Variants in PARD3B observed in about 807,000 individuals in gnomAD.
The protein encoded by PARD3B is partitioning defective 3 homolog B.
Under a neutral mutation model 130.2 loss-of-function variants are expected in PARD3B, and 103 were observed. The observed-to-expected ratio is 0.79, with a 90% CI of 0.67 to 0.93. The LOEUF is 0.93. Ranked by LOEUF, PARD3B falls within the 40% of genes least tolerant of loss-of-function variation. PARD3B has a pLI of 0.00. For missense variants in PARD3B, 1,609 were observed against 1,499.2 expected, an observed-to-expected ratio of 1.07 and a Z score of -1.21; for synonymous variants, 583 against 553.2, an observed-to-expected ratio of 1.05 and a Z score of -0.76.
At position 205,403,495 on chromosome 2, in the gene PARD3B, G is replaced by A. The variant is rs1333388032; in HGVS notation, c.2741+2372G>A. 7.6e-4 allele frequency among the ~76,000 whole-genome samples: 115 copies of A among 151,636 alleles called. 1 individual carries two copies. The highest frequency in any genetic ancestry group is 7.4e-5 in the Non-Finnish European group (5 of 68,008). ...AGCTATCTTTAGTGCATATCCAGGA[G>A]GCAATTATCCAAAGAGGCAGGAAAA... On this transcript the variant is annotated intron_variant, in intron 19 of 22. Transcript: ENST00000406610.
chr2:205,370,080 C>T (rs1444934803), intron 18 of PARD3B, among the ~76,000 whole-genome samples: 1 of 152,094 alleles, frequency 6.6e-6, no homozygotes, highest in Non-Finnish European at 1.5e-5. Context: ...GACCTAGAGA[C>T]CCTTGCAAAC....
At position 205,245,801 on chromosome 2, in the gene PARD3B, T is replaced by C. The variant is rs2039547133; in HGVS notation, c.2164T>C (p.Ser722Pro). The change falls in exon 16 of 23, where the codon TCA becomes CCA. Residue 722 changes from serine (S) to proline (P), a missense_variant. Coordinates refer to ENST00000406610, the MANE Select transcript of PARD3B (RefSeq NM_001302769.2). ...DLVPDESKVH[S>P]LAGQKSESPS... is the part of the protein sequence containing the mutation. ...AGTGCCAGATGAAAGCAAGGTTCAC[T>C]CATTGGCTGGACAAAAATCGGGTAA... 1 of 1,602,674 alleles carries C rather than the reference T, an allele frequency of 6.2e-7. No homozygotes were observed. Among genetic ancestry groups the C allele is most frequent in the African/African-American group, 1.3e-5 (1 of 74,680 alleles).
At chr2:204,860,233 A>G (rs1409640634) in intron 2 of PARD3B, among the ~76,000 whole-genome samples, 3 of 152,200 alleles carry the variant, frequency 2.0e-5, no homozygotes, top group African/African-American at 7.2e-5. Flanking sequence ...AAATCAAAGG[A>G]AATTGTTTCA....
rs2040869066 is a variant in PARD3B at position 205,274,621 on chromosome 2, T to A, written c.2186-25909T>A. On this transcript the variant is annotated intron_variant, in intron 16 of 22. Coordinates refer to ENST00000406610, the MANE Select transcript of PARD3B (RefSeq NM_001302769.2). The surrounding 1 kb of genome is among the most constrained non-coding windows in gnomAD (Gnocchi z 4.2). ...GATTTTTTTATAAATCATTTCTACT[T>A]ACTTTCTATCTGAATATTATCTATC... Among the ~76,000 whole-genome samples the A allele has an allele frequency of 6.6e-6, 1 of 152,120 alleles. No homozygotes were observed. Among genetic ancestry groups the A allele is most frequent in the Non-Finnish European group, 1.5e-5 (1 of 68,008 alleles).
chr2:204,813,065 C>A (rs1175161255), intron 2 of PARD3B, among the ~76,000 whole-genome samples: 1 of 152,012 alleles, frequency 6.6e-6, no homozygotes, highest in Non-Finnish European at 1.5e-5. Flanking sequence ...ACTTTTATTT[C>A]TCTTTGTAAA....
chr2:205,430,340 T>G (rs2047287402), intron 19 of PARD3B, among the ~76,000 whole-genome samples: 1 of 152,200 alleles, frequency 6.6e-6, no homozygotes, highest in African/African-American at 2.4e-5. Context: ...GGAGCCACCA[T>G]TCAACCTACC....
intron 20 of PARD3B, among the ~76,000 whole-genome samples, chr2:205,442,300 T>C (rs1017206261): frequency 2.1e-5 from 3 of 143,220 alleles, no homozygotes; most frequent in East Asian, 2.0e-4. Context: ...CTTTTTTTTT[T>C]TTTTTTTTTT....
At chr2:204,924,484 C>T (rs2125759601) in intron 2 of PARD3B, among the ~76,000 whole-genome samples, 1 of 151,888 alleles carries the variant, frequency 6.6e-6, no homozygotes, top group South Asian at 2.1e-4. Flanking sequence ...ACAGCAATAC[C>T]ATGTATTAAA....
At chr2:205,248,834 C>T (rs1308661388) in intron 16 of PARD3B, among the ~76,000 whole-genome samples, 5 of 151,586 alleles carry the variant, frequency 3.3e-5, no homozygotes, top group African/African-American at 1.2e-4. Context: ...GTTTCGATCT[C>T]CTGACCTTGT....
At chr2:204,977,368 G>T (rs111660639) in intron 3 of PARD3B, among the ~76,000 whole-genome samples, 8 of 152,184 alleles carry the variant, frequency 5.3e-5, no homozygotes, top group African/African-American at 1.7e-4. Flanking sequence ...TTTTAATGTT[G>T]TTCTCCTCCC....
Position 205,301,331 on chromosome 2 carries a change from A to G in PARD3B, c.2393-133A>G. 6.9e-7 allele frequency: 1 copy of G among 1,443,186 alleles called. No homozygotes were observed. Among genetic ancestry groups the G allele is most frequent in the Non-Finnish European group, 9.3e-7 (1 of 1,080,672 alleles). 89.4% of individuals were successfully genotyped at this position (1,443,186 alleles called of 1,614,324 possible). ...AGGCAGTCAGATCTTCAAAGGGCGC[A>G]CGTAACCACATAGAAGGGTAGAACT... On this transcript the variant is annotated intron_variant, in intron 17 of 22. Coordinates refer to ENST00000406610, the MANE Select transcript of PARD3B (RefSeq NM_001302769.2). The surrounding 1 kb of genome is among the most constrained non-coding windows in gnomAD (Gnocchi z 5.2).
At chr2:205,275,260 T>C (rs768598791) in intron 16 of PARD3B, among the ~76,000 whole-genome samples, 8 of 151,778 alleles carry the variant, frequency 5.3e-5, no homozygotes, top group African/African-American at 9.7e-5. Flanking sequence ...TACCATGCAC[T>C]GAAAATACAA....
chr2:204,797,150 G>A (rs1335973419), intron 2 of PARD3B, among the ~76,000 whole-genome samples: 1 of 135,806 alleles, frequency 7.4e-6, no homozygotes, highest in East Asian at 2.2e-4. Flanking sequence ...ACTCCAGCCT[G>A]AGAGACAGAG....
intron 18 of PARD3B, among the ~76,000 whole-genome samples, chr2:205,399,779 T>C (rs2046181214): frequency 6.6e-6 from 1 of 152,204 alleles, no homozygotes. Context: ...TCCCAGGCAC[T>C]CAGGAATGCT....
At chr2:204,978,561 A>G (rs1033707907) in intron 3 of PARD3B, among the ~76,000 whole-genome samples, 4 of 152,218 alleles carry the variant, frequency 2.6e-5, no homozygotes, top group Admixed American at 6.5e-5. Flanking sequence ...TTTGGTGACT[A>G]TAATTCCACC....
intron 3 of PARD3B, among the ~76,000 whole-genome samples, chr2:205,044,184 T>G (rs1698600094): frequency 6.6e-6 from 1 of 151,838 alleles, no homozygotes; most frequent in South Asian, 2.1e-4. Context: ...ACGTGCCACA[T>G]TTTCTTAATC....
At chr2:204,835,736 T>G (rs997967310) in intron 2 of PARD3B, among the ~76,000 whole-genome samples, 4 of 152,232 alleles carry the variant, frequency 2.6e-5, no homozygotes, top group Non-Finnish European at 5.9e-5. Flanking sequence ...ATTTGAATTT[T>G]CATCTTTTCC....
At chr2:205,466,534 G>A (rs553213038) in intron 20 of PARD3B, among the ~76,000 whole-genome samples, 1 of 152,284 alleles carries the variant, frequency 6.6e-6, no homozygotes, top group South Asian at 2.1e-4. Flanking sequence ...CTTTCCTCAA[G>A]TGCTGCTACG....
At chr2:205,511,343 G>A (rs2050581257) in intron 21 of PARD3B, among the ~76,000 whole-genome samples, 1 of 152,002 alleles carries the variant, frequency 6.6e-6, no homozygotes, top group African/African-American at 2.4e-5. Flanking sequence ...TTTTTCCATA[G>A]TATGTCAAAA....
Sources: gnomAD v4.1 joint callset for allele counts (sites outside exome capture counted in the v4.1 genomes callset) on GRCh38, gnomAD v4.1.1 for gene constraint, Gnocchi (gnomAD v3.1) non-coding constraint, MANE v1.5 for transcripts, NCBI Gene and HGNC (gene_info 2026-07-23, HGNC 2026-07-21) for gene names.